Variants in HSPB7 observed in about 807,000 individuals in gnomAD.
HSPB7 encodes heat shock protein beta-7.
HSPB7 carries 9 observed loss-of-function variants against 11.0 expected under a neutral mutation model. The ratio of observed to expected loss-of-function variants is 0.82; its 90% CI spans 0.49 to 1.43. The LOEUF is 1.43. HSPB7 is among the 40% of genes most tolerant of loss of function. The probability of loss-of-function intolerance (pLI) is 0.00; values close to 1 mark genes in which losing one functional copy is unlikely to be tolerated. For synonymous variants in HSPB7, 102 were observed against 101.6 expected (o/e 1.00, Z -0.02); for missense variants, 246 against 243.9 (o/e 1.01, Z -0.06).
intron 1 of HSPB7, 86 bp downstream of exon 1, chr1:16,017,679 G>T (rs1233911329): frequency 5.1e-6 from 6 of 1,170,228 alleles, no homozygotes; most frequent in Admixed American, 2.7e-5. Context: ...CAGGCCGACC[G>T]GCAGCCACAG....
intron 2 of HSPB7, 59 bp downstream of exon 2, chr1:16,017,015 G>A: frequency 6.5e-7 from 1 of 1,549,702 alleles, no homozygotes; most frequent in Non-Finnish European, 8.8e-7. Context: ...GGGGGAGTAG[G>A]AGACATTGGA....
In HSPB7 at chr1:16,015,498, C is replaced by T; in HGVS notation, c.*82G>A. The T allele has an allele frequency of 7.2e-7, 1 of 1,387,288 alleles. No individual in the cohort carries two copies. 85.9% of individuals were successfully genotyped at this position (1,387,288 alleles called of 1,614,324 possible). On this transcript the variant is annotated 3_prime_UTR_variant, in exon 3 of 3. Coordinates refer to ENST00000311890, the MANE Select transcript of HSPB7 (RefSeq NM_014424.5). This position sits in a 1 kb window ranked among gnomAD's most constrained non-coding sequence, Gnocchi z 4.9. ...GGGGCTAGAACCTGGGCTGAGATGT[C>T]CTGGAGCTGTTGTAATGGGGTTAGC...
intron 1 of HSPB7, 109 bp from the exon 2 acceptor site, chr1:16,017,316 C>A (rs893287513): frequency 7.0e-6 from 10 of 1,435,308 alleles, no homozygotes; most frequent in East Asian, 2.3e-5. Flanking sequence ...GGCCCTACCT[C>A]CCCCCTAGCT....
intron 1 of HSPB7, 86 bp downstream of exon 1, chr1:16,017,679 G>C: frequency 8.5e-7 from 1 of 1,170,230 alleles, no homozygotes; most frequent in Non-Finnish European, 1.2e-6. Context: ...CAGGCCGACC[G>C]GCAGCCACAG....
upstream of HSPB7, chr1:16,019,493 G>T: frequency 6.6e-7 from 1 of 1,525,192 alleles, no homozygotes; most frequent in South Asian, 1.2e-5. Flanking sequence ...CTTGAAGACG[G>T]GCAGTTTCTC....
upstream of HSPB7, chr1:16,019,002 T>A: frequency 1.0e-6 from 1 of 996,340 alleles, no homozygotes; most frequent in Non-Finnish European, 1.4e-6. Context: ...GATTCGAACC[T>A]AGATGTGTTG....
chr1:16,017,230 C>T (rs375905806), intron 1 of HSPB7, 23 bp from the exon 2 acceptor site: 127 of 1,609,388 alleles, frequency 7.9e-5, no homozygotes, highest in Middle Eastern at 1.7e-4. Context: ...CTGCTGTGAG[C>T]GAGGCATGGA....
chr1:16,017,675 G>C (rs995546704), intron 1 of HSPB7, 90 bp downstream of exon 1: 7 of 1,125,470 alleles, frequency 6.2e-6, no homozygotes, highest in Middle Eastern at 2.5e-4. Context: ...GTTCCAGGCC[G>C]ACCGGCAGCC....
chr1:16,015,994 A>G lies in HSPB7; in HGVS notation c.334-235T>C, dbSNP rs1202421584. Among the ~76,000 whole-genome samples, 1 of 152,230 alleles carries G rather than the reference A, an allele frequency of 6.6e-6. No individual in the cohort carries two copies. The highest frequency in any genetic ancestry group is 1.5e-5 in the Non-Finnish European group (1 of 68,038). On this transcript the variant is annotated intron_variant, in intron 2 of 2. Coordinates refer to ENST00000311890, the MANE Select transcript of HSPB7 (RefSeq NM_014424.5). The surrounding 1 kb of genome is among the most constrained non-coding windows in gnomAD (Gnocchi z 4.9). ...TAGCTCCAAGGAACAGGCCAGGGAC[A>G]TGGGGAAGAGGTGGGGCTTGGAGAG...
Position 16,018,013 on chromosome 1 carries a change from A to G in HSPB7, c.-50T>C. 6.2e-7 allele frequency: 1 copy of G among 1,611,650 alleles called. No homozygotes were observed. Among genetic ancestry groups the G allele is most frequent in the Non-Finnish European group, 8.5e-7 (1 of 1,179,236 alleles). The stretch of plus-strand genomic sequence containing the variant: ...CAGGCGGGCGAGGGCTGGACAGGAG[A>G]GGGTGTGGGCGCAGGCCTCTGGGCG... On this transcript the variant is annotated 5_prime_UTR_variant, in exon 1 of 3. Transcript: ENST00000311890.
Position 16,015,537 on chromosome 1 carries a change from C to T in HSPB7, c.*43G>A, listed in dbSNP as rs116646586. The T allele has an allele frequency of 2.0e-3, 3,122 of 1,592,258 alleles. 63 individuals are homozygous for T. The African/African-American group carries it at 0.036, about 18-fold the overall frequency. On this transcript the variant is annotated 3_prime_UTR_variant, in exon 3 of 3. Transcript: ENST00000311890. The surrounding 1 kb of genome is among the most constrained non-coding windows in gnomAD (Gnocchi z 4.9). ...AATGGGGTTAGCGAGGCTTTGCTGG[C>T]AGGCGTGGGGCGGGGGGACAGGGAA...
chr1:16,018,126 G>C (rs1270780644), upstream of HSPB7: 1 of 1,548,670 alleles, frequency 6.5e-7, no homozygotes, highest in Non-Finnish European at 8.7e-7. Context: ...CTAAATTTAG[G>C]CCTCTCCATG....
chr1:16,019,215 C>G, upstream of HSPB7: 1 of 1,550,512 alleles, frequency 6.4e-7, no homozygotes, highest in African/African-American at 1.4e-5. Context: ...AGGGCCTCTG[C>G]TGTCCTCTCC....
chr1:16,017,229 G>T lies in HSPB7; in HGVS notation c.200-22C>A, dbSNP rs529221395. On this transcript the variant is annotated intron_variant, in intron 1 of 2. Transcript: ENST00000311890. Reference sequence around the variant, plus strand: ...CGGGCTGTGGGATGGGCTGCTGTGAGCGAGGCATGGAGCAGGCCTTGCATG... The same window carrying T: ...CGGGCTGTGGGATGGGCTGCTGTGATCGAGGCATGGAGCAGGCCTTGCATG... 4.3e-6 allele frequency: 7 copies of T among 1,609,918 alleles called. No individual in the cohort carries two copies. In the East Asian group the frequency reaches 6.7e-5, roughly 15 times the overall value.
chr1:16,015,627 G>T lies in HSPB7; in HGVS notation c.466C>A (p.His156Asn), dbSNP rs114208608. 11 of 1,614,090 alleles carry T rather than the reference G, an allele frequency of 6.8e-6. No homozygotes were observed. The highest frequency in any genetic ancestry group is 9.3e-6 in the Non-Finnish European group (11 of 1,179,988). ...AAGGTCTGCTGGACGTGTTCTGTAT[G>T]CGGGTGACGCCGTGCCCGGATAGTG... is the stretch of plus-strand genomic sequence containing the variant. ...SLTIRARRHP[H>N]TEHVQQTFRT... is the part of the protein sequence containing the mutation. The change falls in exon 3 of 3, where the codon CAT (histidine) becomes AAT (asparagine). Residue 156 changes from histidine to asparagine, a missense_variant. His to Asn is a moderately conservative substitution (Grantham distance 68). Coordinates refer to ENST00000311890, the MANE Select transcript of HSPB7 (RefSeq NM_014424.5). This position sits in a 1 kb window ranked among gnomAD's most constrained non-coding sequence, Gnocchi z 4.9.
chr1:16,015,319 C>G lies in HSPB7; in HGVS notation c.*261G>C. On this transcript the variant is annotated 3_prime_UTR_variant, in exon 3 of 3. Coordinates refer to ENST00000311890, the MANE Select transcript of HSPB7 (RefSeq NM_014424.5). The surrounding 1 kb of genome is among the most constrained non-coding windows in gnomAD (Gnocchi z 4.9). ...ACAGTGGGTTCTTTAGATCTTCCTTCCCTGACCCCAGCCCCTGTACTCTGG... is the reference window on the plus strand; with the variant it reads ...ACAGTGGGTTCTTTAGATCTTCCTTGCCTGACCCCAGCCCCTGTACTCTGG... The G allele has an allele frequency of 2.1e-6, 1 of 469,004 alleles. No individual in the cohort carries two copies. The highest frequency in any genetic ancestry group is 3.8e-6 in the Non-Finnish European group (1 of 260,792). 29.1% of individuals were successfully genotyped at this position (469,004 alleles called of 1,614,324 possible). A position where few individuals can be genotyped will look rare whatever the true frequency, so the allele number is the denominator to read the frequency against.
Position 16,015,442 on chromosome 1 carries a change from A to C in HSPB7, c.*138T>G. ...ATAGAGTGGAGGGCCCTAGTTTGGG[A>C]GGATGGTCCACCTGGGGTCTGGGGT... On this transcript the variant is annotated 3_prime_UTR_variant, in exon 3 of 3. Transcript: ENST00000311890. This position sits in a 1 kb window ranked among gnomAD's most constrained non-coding sequence, Gnocchi z 4.9. The C allele has an allele frequency of 1.3e-6, 1 of 744,980 alleles. No homozygotes were observed. The highest frequency in any genetic ancestry group is 1.8e-5 in the South Asian group (1 of 57,016). 46.1% of individuals were successfully genotyped at this position (744,980 alleles called of 1,614,324 possible). A position where few individuals can be genotyped will look rare whatever the true frequency, so the allele number is the denominator to read the frequency against.
chr1:16,019,447 C>T (rs1352227763), upstream of HSPB7: 8 of 1,549,640 alleles, frequency 5.2e-6, no homozygotes, highest in Non-Finnish European at 7.0e-6. Context: ...CCCACGGGGG[C>T]GAGGGTTCAC....
chr1:16,016,568 C>T (rs961840567), intron 2 of HSPB7, among the ~76,000 whole-genome samples: 3 of 152,174 alleles, frequency 2.0e-5, no homozygotes, highest in Non-Finnish European at 4.4e-5. Flanking sequence ...TGCCCAGCCT[C>T]GGGCCTAATT....
Sources: gnomAD v4.1 joint callset for allele counts (sites outside exome capture counted in the v4.1 genomes callset) on GRCh38, gnomAD v4.1.1 for gene constraint, Gnocchi (gnomAD v3.1) non-coding constraint, MANE v1.5 for transcripts, NCBI Gene and HGNC (gene_info 2026-07-23, HGNC 2026-07-21) for gene names.